The following TIAM1 variants were observed in gnomAD, a reference collection of about 807,000 sequenced individuals.
TIAM1 encodes rho guanine nucleotide exchange factor TIAM1.
In TIAM1, 65 loss-of-function variants were observed where a neutral mutation model predicts 163.5. The ratio of observed to expected loss-of-function variants is 0.40; its 90% CI spans 0.33 to 0.49. TIAM1 has a LOEUF of 0.49. TIAM1 is among the 20% of genes least tolerant of loss of function. The pLI is 0.77. For missense variants in TIAM1, 1,789 were observed against 2,044.7 expected (o/e 0.87, Z 2.41); for synonymous variants, 833 against 810.1 (o/e 1.03, Z -0.48).
At chr21:31,506,010 CAA>C (rs141958932) in intron 1 of TIAM1, among the ~76,000 whole-genome samples, 19,949 of 83,766 alleles carry the variant, frequency 0.24, 1,466 homozygotes, top group Middle Eastern at 0.34. Context: ...GACTCTGCCT[CAA>C]AAAAAAAAAA....
intron 13 of TIAM1, among the ~76,000 whole-genome samples, chr21:31,189,044 C>CTT (rs58786753): frequency 0.14 from 9,821 of 70,022 alleles, 2,953 homozygotes; most frequent in Non-Finnish European, 0.17. Context: ...TCCATTCCCT[C>CTT]TTTTTTTTTT....
intron 1 of TIAM1, among the ~76,000 whole-genome samples, chr21:31,487,310 C>T (rs139585654): frequency 4.6e-5 from 7 of 152,332 alleles, no homozygotes; most frequent in Non-Finnish European, 8.8e-5. Flanking sequence ...ACGGTTCACA[C>T]GTCCCAGTCT....
At chr21:31,340,331 T>C (rs1232321109) in intron 1 of TIAM1, among the ~76,000 whole-genome samples, 1 of 151,992 alleles carries the variant, frequency 6.6e-6, no homozygotes, top group Non-Finnish European at 1.5e-5. Flanking sequence ...TGTCGGGGAA[T>C]ATTAACCAGC....
chr21:31,545,566 T>G (rs1385193335), intron 1 of TIAM1, among the ~76,000 whole-genome samples: 1 of 152,028 alleles, frequency 6.6e-6, no homozygotes, highest in African/African-American at 2.4e-5. Flanking sequence ...ACAACCATGA[T>G]TGGGACTGTG....
At chr21:31,283,009 G>A (rs566603949) in intron 2 of TIAM1, among the ~76,000 whole-genome samples, 18 of 152,268 alleles carry the variant, frequency 1.2e-4, no homozygotes, top group African/African-American at 3.9e-4. Flanking sequence ...ATTTTAGAGC[G>A]GTAAATCTTT....
At chr21:31,366,639 CAG>C (rs1326400976) in intron 2 of TIAM1, among the ~76,000 whole-genome samples, 4 of 152,092 alleles carry the variant, frequency 2.6e-5, no homozygotes, top group East Asian at 1.9e-4. Context: ...TTTTTTCAGA[CAG>C]AGTCTTGCTC....
At chr21:31,442,064 T>TAAAAAAA (rs1250832519) in intron 2 of TIAM1, among the ~76,000 whole-genome samples, 1 of 84,672 alleles carries the variant, frequency 1.2e-5, no homozygotes, top group African/African-American at 5.1e-5. Context: ...TCAGAACAAA[T>TAAAAAAA]AAATAAATAT....
intron 2 of TIAM1, among the ~76,000 whole-genome samples, chr21:31,308,502 C>T (rs1371459338): frequency 6.6e-6 from 1 of 151,176 alleles, no homozygotes. Flanking sequence ...TTATTTTAAA[C>T]ATTTCATAAT....
intron 2 of TIAM1, among the ~76,000 whole-genome samples, chr21:31,299,799 T>C (rs946326439): frequency 6.6e-6 from 1 of 152,182 alleles, no homozygotes; most frequent in Non-Finnish European, 1.5e-5. Flanking sequence ...AGCCTCGGTT[T>C]CCTCACTGGT....
At chr21:31,204,940 G>A (rs1056871459) in intron 11 of TIAM1, among the ~76,000 whole-genome samples, 2 of 152,140 alleles carry the variant, frequency 1.3e-5, no homozygotes, top group African/African-American at 2.4e-5. Context: ...GCCATTCACC[G>A]AACATGTCCC....
At chr21:31,308,953 A>C (rs1195379188) in intron 2 of TIAM1, among the ~76,000 whole-genome samples, 1 of 152,196 alleles carries the variant, frequency 6.6e-6, no homozygotes, top group African/African-American at 2.4e-5. Context: ...AACAGGGATG[A>C]AAAATGAAGC....
At chr21:31,197,537 G>A (rs1393070264) in intron 12 of TIAM1, among the ~76,000 whole-genome samples, 4 of 114,446 alleles carry the variant, frequency 3.5e-5, no homozygotes, top group Non-Finnish European at 6.6e-5. Flanking sequence ...CACCGCGCCC[G>A]GCTTTTTTTT....
At chr21:31,514,469 G>C (rs1201981267) in intron 1 of TIAM1, among the ~76,000 whole-genome samples, 1 of 151,264 alleles carries the variant, frequency 6.6e-6, no homozygotes, top group African/African-American at 2.4e-5. Flanking sequence ...CCTGGGGTCA[G>C]GAGTTTGAGA....
At chr21:31,277,956 T>C (rs2073375593) in intron 2 of TIAM1, among the ~76,000 whole-genome samples, 1 of 152,196 alleles carries the variant, frequency 6.6e-6, no homozygotes, top group African/African-American at 2.4e-5. Context: ...TTTAGGGTAA[T>C]ACATAGCCCT....
At chr21:31,161,764 G>A (rs1262083741) in intron 16 of TIAM1, among the ~76,000 whole-genome samples, 1 of 152,174 alleles carries the variant, frequency 6.6e-6, no homozygotes, top group African/African-American at 2.4e-5. Context: ...TCAGCCTCGT[G>A]CATTCAGACA....
intron 1 of TIAM1, among the ~76,000 whole-genome samples, chr21:31,530,960 G>A (rs531034703): frequency 6.6e-6 from 1 of 152,046 alleles, no homozygotes; most frequent in Non-Finnish European, 1.5e-5. Context: ...GTCAATCACA[G>A]CGCCACTGAC....
rs543451866 is a variant in TIAM1 at position 31,196,562 on chromosome 21, C to T, written c.2494-1257G>A. Among the ~76,000 whole-genome samples the T allele has an allele frequency of 2.0e-3, 301 of 150,458 alleles. 1 individual carries two copies. The highest frequency in any genetic ancestry group is 7.0e-3 in the African/African-American group (286 of 40,592). On this transcript the variant is annotated intron_variant, in intron 12 of 27. Transcript: ENST00000541036. Reference sequence around the variant, plus strand: ...TCTCAAACTCTGACCTCAAATGATCCGCCCACCTCAGCCTCCCAAAGTGCA... The same window carrying T: ...TCTCAAACTCTGACCTCAAATGATCTGCCCACCTCAGCCTCCCAAAGTGCA...
At chr21:31,445,102 T>C (rs2044572051) in intron 2 of TIAM1, among the ~76,000 whole-genome samples, 1 of 152,146 alleles carries the variant, frequency 6.6e-6, no homozygotes, top group African/African-American at 2.4e-5. Flanking sequence ...CAGTAACAAG[T>C]AGATGTTTCT....
rs1360729478 is a variant in TIAM1 at position 31,417,120 on chromosome 21, T to G, written c.-369+46863A>C. On this transcript the variant is annotated intron_variant, in intron 2 of 28. Transcript: ENST00000286827. The stretch of plus-strand genomic sequence containing the variant: ...TCACTGCAACCTCTGCCTCCTGGGT[T>G]CAAGCAATTCTCCTGCCTCAGCCTC... Among the ~76,000 whole-genome samples the G allele has an allele frequency of 3.3e-5, 5 of 152,286 alleles. No homozygotes were observed. In the East Asian group the frequency reaches 7.7e-4, roughly 24 times the overall value.
Sources: allele counts gnomAD v4.1 joint callset (sites outside exome capture counted in the v4.1 genomes callset), GRCh38; gene constraint gnomAD v4.1.1; transcripts MANE v1.5; gene names NCBI Gene and HGNC (gene_info 2026-07-23, HGNC 2026-07-21).